The following LRMDA variants were observed in gnomAD, a reference collection of about 807,000 sequenced individuals.
The protein encoded by LRMDA is leucine-rich melanocyte differentiation-associated protein.
LRMDA carries 18 observed loss-of-function variants against 29.8 expected under a neutral mutation model. The ratio of observed to expected loss-of-function variants is 0.60; its 90% confidence interval spans 0.42 to 0.90. The LOEUF (loss-of-function observed/expected upper bound fraction) is 0.90. Among genes scored for constraint, LRMDA ranks in the 40% least tolerant of loss-of-function variants. LRMDA has a pLI of 0.00. For synonymous variants in LRMDA, 125 were observed against 109.4 expected (o/e 1.14, Z -0.89); for missense variants, 273 against 273.9 (o/e 1.00, Z 0.02).
chr10:76,067,989 C>A (rs1244703784), intron 5 of LRMDA, among the ~76,000 whole-genome samples: 1 of 152,214 alleles, frequency 6.6e-6, no homozygotes, highest in East Asian at 1.9e-4. Context: ...GGGAAACCTG[C>A]AAGAAGGGGG....
chr10:76,011,079 A>AT (rs2132479838), intron 2 of LRMDA, among the ~76,000 whole-genome samples: 1 of 152,174 alleles, frequency 6.6e-6, no homozygotes, highest in East Asian at 1.9e-4. Context: ...CAGCATCTAG[A>AT]TTTTCTAGAT....
In LRMDA at chr10:76,196,089, T is replaced by A. The variant is rs138295182; in HGVS notation, c.517-128312T>A. 2.8e-3 allele frequency among the ~76,000 whole-genome samples: 423 copies of A among 152,332 alleles called. 2 individuals are homozygous for A. The highest frequency in any genetic ancestry group is 9.7e-3 in the African/African-American group (404 of 41,578). ...GGACCTTTTCATTGTTGGCCCGAGG[T>A]GAGGCCTGAGTTACTAAGAATTGTA... On this transcript the variant is annotated intron_variant, in intron 5 of 6. Transcript: ENST00000611255.
At chr10:75,683,109 A>G (rs566895229) in intron 2 of LRMDA, among the ~76,000 whole-genome samples, 2 of 152,304 alleles carry the variant, frequency 1.3e-5, no homozygotes, top group African/African-American at 4.8e-5. Flanking sequence ...TACAGGCCCA[A>G]ACAAATTATA....
chr10:75,613,741 G>A (rs188813261), intron 2 of LRMDA, among the ~76,000 whole-genome samples: 1 of 152,268 alleles, frequency 6.6e-6, no homozygotes. Context: ...ACTGACATAT[G>A]GATGTGATCT....
At chr10:76,477,334 C>G (rs1333395243) in intron 6 of LRMDA, among the ~76,000 whole-genome samples, 22 of 152,042 alleles carry the variant, frequency 1.4e-4, no homozygotes, top group Admixed American at 1.4e-3. Context: ...CCTAGGAATC[C>G]AGCTTACAAG....
chr10:76,315,807 C>T (rs1840689470), intron 5 of LRMDA, among the ~76,000 whole-genome samples: 2 of 151,968 alleles, frequency 1.3e-5, no homozygotes, highest in Admixed American at 1.3e-4. Flanking sequence ...AGTCCCCCTC[C>T]TGGAGTGAGA....
chr10:75,433,839 GA>G (rs373702959), intron 1 of LRMDA, among the ~76,000 whole-genome samples: 2 of 150,826 alleles, frequency 1.3e-5, no homozygotes, highest in East Asian at 1.9e-4. Flanking sequence ...TAAGTGCAAA[GA>G]AAAAAAAACC....
At chr10:75,543,753 T>C (rs999981397) in intron 2 of LRMDA, among the ~76,000 whole-genome samples, 11 of 152,094 alleles carry the variant, frequency 7.2e-5, no homozygotes, top group Non-Finnish European at 1.3e-4. Context: ...TTCAGAACTT[T>C]TGTGCAGCTT....
intron 6 of LRMDA, among the ~76,000 whole-genome samples, chr10:76,341,781 T>C (rs1841045033): frequency 1.3e-5 from 2 of 152,206 alleles, no homozygotes; most frequent in African/African-American, 4.8e-5. Context: ...TGTGGTTTCC[T>C]TTTGTTGGCT....
chr10:76,220,069 T>C (rs1382737119), intron 5 of LRMDA, among the ~76,000 whole-genome samples: 1 of 152,170 alleles, frequency 6.6e-6, no homozygotes, highest in South Asian at 2.1e-4. Flanking sequence ...TTGAAACCAA[T>C]GAGAACAAAG....
At chr10:76,471,915 C>G (rs573803290) in intron 6 of LRMDA, among the ~76,000 whole-genome samples, 1 of 151,658 alleles carries the variant, frequency 6.6e-6, no homozygotes, top group Non-Finnish European at 1.5e-5. Context: ...GCCACAGAGC[C>G]CCAAAATACA....
chr10:75,849,285 C>T (rs964341469), intron 2 of LRMDA, among the ~76,000 whole-genome samples: 16 of 152,068 alleles, frequency 1.1e-4, no homozygotes, highest in South Asian at 2.1e-4. Flanking sequence ...CCTATTTTCT[C>T]GGTTTGACCC....
At chr10:75,581,312 A>G (rs906177330) in intron 2 of LRMDA, among the ~76,000 whole-genome samples, 1 of 152,250 alleles carries the variant, frequency 6.6e-6, no homozygotes, top group Non-Finnish European at 1.5e-5. Context: ...TACATATGAA[A>G]AAAAGCTCAT....
intron 2 of LRMDA, among the ~76,000 whole-genome samples, chr10:75,711,988 T>G (rs957737313): frequency 6.6e-6 from 1 of 152,068 alleles, no homozygotes; most frequent in Admixed American, 6.6e-5. Flanking sequence ...TTGAAAAATT[T>G]CCATCCTTAG....
At chr10:76,009,869 A>G (rs976950637) in intron 2 of LRMDA, among the ~76,000 whole-genome samples, 1 of 117,002 alleles carries the variant, frequency 8.5e-6, no homozygotes, top group African/African-American at 3.4e-5. Flanking sequence ...CCCTCATTTC[A>G]TCTTCCCCCT....
intron 2 of LRMDA, among the ~76,000 whole-genome samples, chr10:75,843,784 T>C (rs1023693694): frequency 3.3e-5 from 5 of 152,194 alleles, no homozygotes; most frequent in African/African-American, 2.4e-5. Flanking sequence ...AAGGTTGTTA[T>C]ACTGGTGAAA....
intron 2 of LRMDA, among the ~76,000 whole-genome samples, chr10:75,812,595 A>C (rs921595840): frequency 6.6e-6 from 1 of 152,178 alleles, no homozygotes; most frequent in East Asian, 1.9e-4. Flanking sequence ...CTGTGATACA[A>C]TTCTTCGTGA....
chr10:76,225,810 T>G (rs2132265398), intron 5 of LRMDA, among the ~76,000 whole-genome samples: 1 of 151,822 alleles, frequency 6.6e-6, no homozygotes, highest in South Asian at 2.1e-4. Flanking sequence ...ATGTGCCATG[T>G]TGGTGTGCTG....
At chr10:75,754,220 G>A (rs57253611) in intron 2 of LRMDA, among the ~76,000 whole-genome samples, 6,389 of 152,262 alleles carry the variant, frequency 0.042, 429 homozygotes, top group African/African-American at 0.14. Context: ...GTTATACCCT[G>A]TGAAGAGGTG....
Sources: allele counts gnomAD v4.1 joint callset (sites outside exome capture counted in the v4.1 genomes callset), GRCh38; gene constraint gnomAD v4.1.1; transcripts MANE v1.5; gene names NCBI Gene and HGNC (gene_info 2026-07-23, HGNC 2026-07-21).